CALD1: variants seen among roughly 807,000 people sequenced by gnomAD.
CALD1 encodes the protein caldesmon 1, also known as caldesmon.
A neutral mutation model predicts 99.9 loss-of-function variants in CALD1; 33 were observed. The observed-to-expected ratio is 0.33, with a 90% CI of 0.25 to 0.44. CALD1 has a LOEUF of 0.44. CALD1 is among the 20% of genes least tolerant of loss of function. The pLI, the probability that CALD1 is intolerant of heterozygous loss-of-function variation, is 1.00. For synonymous variants in CALD1, 310 were observed against 325.0 expected (o/e 0.95, Z 0.50); for missense variants, 861 against 962.1 (o/e 0.89, Z 1.39).
chr7:134,920,636 T>C (rs1180625315), intron 3 of CALD1: 1 of 1,289,378 alleles, frequency 7.8e-7, no homozygotes. Flanking sequence ...TTCTCTCAAA[T>C]GACTTCTTAT....
chr7:134,799,696 G>A (rs2131834394), intron 1 of CALD1, among the ~76,000 whole-genome samples: 1 of 152,186 alleles, frequency 6.6e-6, no homozygotes, highest in East Asian at 1.9e-4. Context: ...ATTCGGATTG[G>A]CCTTCTGGTA....
At chr7:134,759,265 G>C (rs1796756687) in intron 1 of CALD1, among the ~76,000 whole-genome samples, 2 of 152,300 alleles carry the variant, frequency 1.3e-5, no homozygotes, top group South Asian at 2.1e-4. Context: ...GAAAAAAATA[G>C]ATCTGTCTCT....
chr7:134,801,415 C>T (rs1797936988), intron 1 of CALD1, among the ~76,000 whole-genome samples: 2 of 152,140 alleles, frequency 1.3e-5, no homozygotes, highest in Admixed American at 1.3e-4. Flanking sequence ...ATCTCACTCC[C>T]TATTTCTGGG....
intron 1 of CALD1, among the ~76,000 whole-genome samples, chr7:134,761,855 G>A (rs1562990824): frequency 6.6e-6 from 1 of 152,110 alleles, no homozygotes; most frequent in Non-Finnish European, 1.5e-5. Context: ...ACCATTATTT[G>A]TATTATTATT....
intron 6 of CALD1, among the ~76,000 whole-genome samples, chr7:134,936,379 C>T (rs191194770): frequency 6.6e-5 from 10 of 152,236 alleles, no homozygotes; most frequent in African/African-American, 9.6e-5. Flanking sequence ...TAGAATGGCA[C>T]GGGGTTTGAC....
intron 3 of CALD1, among the ~76,000 whole-genome samples, chr7:134,925,024 A>G (rs1291291062): frequency 6.6e-6 from 1 of 152,222 alleles, no homozygotes; most frequent in East Asian, 1.9e-4. Flanking sequence ...TGAATCAATT[A>G]AACCTCTTTC....
intron 2 of CALD1, among the ~76,000 whole-genome samples, chr7:134,854,843 C>T (rs1212091324): frequency 1.3e-5 from 2 of 152,126 alleles, no homozygotes; most frequent in Non-Finnish European, 2.9e-5. Flanking sequence ...AATCTCATGT[C>T]GAATTGTGAT....
intron 1 of CALD1, among the ~76,000 whole-genome samples, chr7:134,829,191 A>C (rs775202725): frequency 6.6e-6 from 1 of 152,252 alleles, no homozygotes; most frequent in Non-Finnish European, 1.5e-5. Context: ...TAAATACATA[A>C]GTAACCAAAC....
intron 1 of CALD1, among the ~76,000 whole-genome samples, chr7:134,781,130 G>A (rs1275634101): frequency 1.3e-5 from 2 of 152,198 alleles, no homozygotes; most frequent in Non-Finnish European, 2.9e-5. Context: ...AAGTGTGAGA[G>A]AAAAGCTGCA....
intron 1 of CALD1, among the ~76,000 whole-genome samples, chr7:134,768,619 T>A (rs921473409): frequency 2.6e-5 from 4 of 152,050 alleles, no homozygotes; most frequent in Non-Finnish European, 5.9e-5. Context: ...GGAGAAGTAA[T>A]CTAGAGGACC....
At chr7:134,728,022 TG>T in the CALD1 span, among the ~76,000 whole-genome samples, 1 of 152,220 alleles carries the variant, frequency 6.6e-6, no homozygotes, top group Admixed American at 6.5e-5. Context: ...GATTTTTCTT[TG>T]CTAACATTAG....
chr7:134,924,222 C>A (rs933878068), intron 3 of CALD1, among the ~76,000 whole-genome samples: 2 of 152,078 alleles, frequency 1.3e-5, no homozygotes, highest in African/African-American at 4.8e-5. Context: ...GAATATATCA[C>A]ATACTCATCA....
intron 1 of CALD1, among the ~76,000 whole-genome samples, chr7:134,834,061 T>C (rs1799334869): frequency 6.6e-6 from 1 of 152,202 alleles, no homozygotes; most frequent in Admixed American, 6.5e-5. Flanking sequence ...TTTTAAAAAG[T>C]AAATCACATG....
At chr7:134,879,033 C>G (rs1335916827) in intron 3 of CALD1, among the ~76,000 whole-genome samples, 1 of 152,144 alleles carries the variant, frequency 6.6e-6, no homozygotes, top group African/African-American at 2.4e-5. Context: ...CTCTCTTTTG[C>G]CCTATGGTTT....
At chr7:134,881,235 T>A (rs1801586231) in intron 3 of CALD1, among the ~76,000 whole-genome samples, 1 of 152,198 alleles carries the variant, frequency 6.6e-6, no homozygotes, top group Admixed American at 6.5e-5. Flanking sequence ...TAGAGCAACA[T>A]GTCCAAGAGC....
At chr7:134,935,850 A>T (rs1383314601) in intron 6 of CALD1, 85 bp downstream of exon 6, 1 of 1,327,188 alleles carries the variant, frequency 7.5e-7, no homozygotes, top group Non-Finnish European at 1.0e-6. Context: ...ATGATCTCAA[A>T]ATTGTAACCT....
chr7:134,790,069 G>A (rs1447847580), intron 1 of CALD1, among the ~76,000 whole-genome samples: 1 of 143,378 alleles, frequency 7.0e-6, no homozygotes, highest in Non-Finnish European at 1.5e-5. Flanking sequence ...GAGGAAAAGA[G>A]AAAAAGAAAT....
At chr7:134,841,101 C>T (rs527646153) in intron 1 of CALD1, among the ~76,000 whole-genome samples, 19 of 151,838 alleles carry the variant, frequency 1.3e-4, no homozygotes, top group Non-Finnish European at 2.5e-4. Context: ...ACATTTTTTT[C>T]GTGGAAAGAT....
chr7:134,964,315 G>A (rs1303093089), intron 13 of CALD1, among the ~76,000 whole-genome samples: 1 of 152,214 alleles, frequency 6.6e-6, no homozygotes, highest in East Asian at 1.9e-4. Flanking sequence ...AGGGGCTGAG[G>A]TTGGGAGAAG....
Sources: gnomAD v4.1 joint callset for allele counts (sites outside exome capture counted in the v4.1 genomes callset) on GRCh38, gnomAD v4.1.1 for gene constraint, MANE v1.5 for transcripts, NCBI Gene and HGNC (gene_info 2026-07-23, HGNC 2026-07-21) for gene names.